Variants in RPSA2 observed in about 807,000 individuals in gnomAD.
RPSA2 encodes the protein small ribosomal subunit protein uS2B.
the RPSA2 span, among the ~76,000 whole-genome samples, chr19:23,829,605 T>G: frequency 6.6e-6 from 1 of 152,204 alleles, no homozygotes; most frequent in African/African-American, 2.4e-5. Context: ...CCAACCTCTT[T>G]TGTGTATTTA....
chr19:23,761,909 T>TTCCTTCCTCCCTTCCTCCC, the RPSA2 span, among the ~76,000 whole-genome samples: 1 of 37,382 alleles, frequency 2.7e-5, no homozygotes, highest in Admixed American at 3.3e-4. Context: ...TAATTCTTTC[T>TTCCTTCCTCCCTTCCTCCC]TTCTTTCTTT....
the RPSA2 span, among the ~76,000 whole-genome samples, chr19:23,869,180 C>A: frequency 1.3e-5 from 2 of 152,068 alleles, no homozygotes; most frequent in African/African-American, 4.8e-5. Flanking sequence ...GCTCCAGGAC[C>A]CCTATGTCTG....
chr19:23,795,513 A>T, the RPSA2 span, among the ~76,000 whole-genome samples: 1 of 152,072 alleles, frequency 6.6e-6, no homozygotes, highest in South Asian at 2.1e-4. Context: ...TAATTTTTGT[A>T]CATTTATTTT....
At chr19:23,850,889 C>T in the RPSA2 span, among the ~76,000 whole-genome samples, 1 of 152,096 alleles carries the variant, frequency 6.6e-6, no homozygotes, top group Non-Finnish European at 1.5e-5. Flanking sequence ...ACTGTTTGGA[C>T]AATTGAGTTT....
the RPSA2 span, among the ~76,000 whole-genome samples, chr19:23,769,417 C>T: frequency 1.3e-5 from 2 of 152,102 alleles, no homozygotes; most frequent in African/African-American, 4.8e-5. Flanking sequence ...AATCTTGGCT[C>T]ACTGCAACCT....
the RPSA2 span, among the ~76,000 whole-genome samples, chr19:23,786,944 G>T: frequency 6.6e-6 from 1 of 151,732 alleles, no homozygotes; most frequent in Admixed American, 6.6e-5. Flanking sequence ...GAAAGCTGTG[G>T]CATATTGCTG....
the RPSA2 span, among the ~76,000 whole-genome samples, chr19:23,766,219 C>T: frequency 3.2e-5 from 4 of 125,490 alleles, no homozygotes; most frequent in East Asian, 2.4e-4. Flanking sequence ...GTGGTGCAGT[C>T]TCGGCTCACT....
At chr19:23,851,927 T>C in the RPSA2 span, among the ~76,000 whole-genome samples, 2 of 152,222 alleles carry the variant, frequency 1.3e-5, no homozygotes, top group South Asian at 4.1e-4. Context: ...TTGAGCCGAT[T>C]TAAATGAACC....
the RPSA2 span, among the ~76,000 whole-genome samples, chr19:23,860,207 C>T: frequency 1.3e-5 from 2 of 152,102 alleles, no homozygotes; most frequent in African/African-American, 4.8e-5. Flanking sequence ...CATCATAATT[C>T]TAAGCAATCA....
the RPSA2 span, among the ~76,000 whole-genome samples, chr19:23,860,417 C>T: frequency 6.6e-6 from 1 of 152,214 alleles, no homozygotes. Context: ...CATGGAAAAG[C>T]TGCACATGTG....
chr19:23,805,024 T>TAAGGACAGGACAGTGTGGCTTAGGC, the RPSA2 span, among the ~76,000 whole-genome samples: 2 of 7,098 alleles, frequency 2.8e-4, no homozygotes, highest in African/African-American at 1.6e-3. Context: ...TTGGGTTTGT[T>TAAGGACAGGACAGTGTGGCTTAGGC]AAGGACAGGA....
the RPSA2 span, among the ~76,000 whole-genome samples, chr19:23,835,109 G>T: frequency 6.6e-6 from 1 of 151,978 alleles, no homozygotes; most frequent in African/African-American, 2.4e-5. Flanking sequence ...CAATTAAATT[G>T]TTATTGACTA....
At chr19:23,781,028 G>T in the RPSA2 span, among the ~76,000 whole-genome samples, 1 of 152,198 alleles carries the variant, frequency 6.6e-6, no homozygotes, top group South Asian at 2.1e-4. Context: ...AGGCTGGAGT[G>T]CAGTGGCATG....
chr19:23,836,402 T>C, the RPSA2 span, among the ~76,000 whole-genome samples: 2 of 152,116 alleles, frequency 1.3e-5, no homozygotes, highest in Non-Finnish European at 2.9e-5. Flanking sequence ...CCACAGTTTC[T>C]TTATCCACTC....
chr19:23,849,194 T>C, the RPSA2 span, among the ~76,000 whole-genome samples: 17,846 of 152,210 alleles, frequency 0.12, 1,112 homozygotes, highest in East Asian at 0.22. Flanking sequence ...CAACTCTGTA[T>C]AGGAATAGTC....
At chr19:23,813,967 C>A in the RPSA2 span, among the ~76,000 whole-genome samples, 2 of 152,114 alleles carry the variant, frequency 1.3e-5, no homozygotes, top group East Asian at 3.9e-4. Context: ...GTGATCTGCT[C>A]ACCTCGGCCT....
chr19:23,863,457 G>A, the RPSA2 span, among the ~76,000 whole-genome samples: 1 of 151,832 alleles, frequency 6.6e-6, no homozygotes, highest in Non-Finnish European at 1.5e-5. Context: ...CCAGCTAGTG[G>A]GGAGGCTGAG....
chr19:23,804,427 G>A, the RPSA2 span, among the ~76,000 whole-genome samples: 4 of 149,940 alleles, frequency 2.7e-5, no homozygotes, highest in Non-Finnish European at 5.9e-5. Context: ...CTCCTGAGTA[G>A]CTGGGACTAC....
chr19:23,853,722 A>G, the RPSA2 span, among the ~76,000 whole-genome samples: 1 of 152,114 alleles, frequency 6.6e-6, no homozygotes, highest in South Asian at 2.1e-4. Flanking sequence ...TCAGTCCCCC[A>G]TTGTGCCAGC....
Sources: allele counts gnomAD v4.1 joint callset (sites outside exome capture counted in the v4.1 genomes callset), GRCh38; gene constraint gnomAD v4.1.1; transcripts MANE v1.5; gene names NCBI Gene and HGNC (gene_info 2026-07-23, HGNC 2026-07-21).